WWTR1: variants seen among roughly 807,000 people sequenced by gnomAD.
The protein encoded by WWTR1 is WW domain containing transcription regulator 1.
A neutral mutation model predicts 40.1 loss-of-function variants in WWTR1; 13 were observed. That is an observed-to-expected ratio of 0.32 (90% CI 0.21 to 0.52). The LOEUF is 0.52. WWTR1 is among the 20% of genes least tolerant of loss of function. WWTR1 has a pLI of 0.97. For missense variants in WWTR1, 436 were observed against 523.1 expected, an observed-to-expected ratio of 0.83 and a Z score of 1.63; for synonymous variants, 230 against 210.1, an observed-to-expected ratio of 1.09 and a Z score of -0.82.
At position 149,631,494 on chromosome 3, in the gene WWTR1, G is replaced by A. The variant is rs111559611; in HGVS notation, c.431+25382C>T. ...TAAAAAAGGCATTTTCAGTCTTCACGTACAAACCCCAAATATAAGTGCCAA... is the reference window on the plus strand; with the variant it reads ...TAAAAAAGGCATTTTCAGTCTTCACATACAAACCCCAAATATAAGTGCCAA... On this transcript the variant is annotated intron_variant, in intron 2 of 6. Coordinates refer to ENST00000360632, the MANE Select transcript of WWTR1 (RefSeq NM_015472.6). Among the ~76,000 whole-genome samples the A allele has an allele frequency of 6.3e-3, 966 of 152,134 alleles. 14 individuals are homozygous for A. The highest frequency in any genetic ancestry group is 0.022 in the African/African-American group (923 of 41,504).
At chr3:149,699,361 T>C (rs548888492) in intron 1 of WWTR1, among the ~76,000 whole-genome samples, 1 of 151,882 alleles carries the variant, frequency 6.6e-6, no homozygotes, top group South Asian at 2.1e-4. Flanking sequence ...TGGTGTGATC[T>C]TGGTTCACCG....
At chr3:149,615,661 C>G (rs941925801) in intron 2 of WWTR1, among the ~76,000 whole-genome samples, 20 of 152,160 alleles carry the variant, frequency 1.3e-4, no homozygotes, top group African/African-American at 4.6e-4. Flanking sequence ...CTATTTCTAG[C>G]ACTTGATACT....
chr3:149,583,168 G>A (rs773453531), intron 2 of WWTR1, among the ~76,000 whole-genome samples: 2 of 152,146 alleles, frequency 1.3e-5, no homozygotes, highest in Non-Finnish European at 2.9e-5. Flanking sequence ...GTTTCACCAT[G>A]TTGGCCAGGC....
intron 5 of WWTR1, among the ~76,000 whole-genome samples, chr3:149,526,812 T>C (rs1735340071): frequency 6.6e-6 from 1 of 152,262 alleles, no homozygotes; most frequent in South Asian, 2.1e-4. Context: ...GCCAGACGTC[T>C]CTGCAAGGGC....
chr3:149,680,549 A>AAGCC (rs1714423344), intron 1 of WWTR1, among the ~76,000 whole-genome samples: 1 of 151,482 alleles, frequency 6.6e-6, no homozygotes, highest in African/African-American at 2.4e-5. Flanking sequence ...GTCTCAAAAA[A>AAGCC]AACCAACCAA....
chr3:149,713,959 C>A (rs1030881419), intron 5 of WWTR1, among the ~76,000 whole-genome samples: 1 of 152,002 alleles, frequency 6.6e-6, no homozygotes, highest in Non-Finnish European at 1.5e-5. Context: ...GCCACCACTG[C>A]GGGGAGGCTG....
chr3:149,578,647 C>T (rs1443045380), intron 2 of WWTR1, among the ~76,000 whole-genome samples: 2 of 152,164 alleles, frequency 1.3e-5, no homozygotes, highest in Non-Finnish European at 2.9e-5. Flanking sequence ...CCTGTAATCC[C>T]AGCACTTTGG....
rs1289985252 is a variant in WWTR1 at position 149,656,974 on chromosome 3, C to A, written c.333G>T (p.Ala111=). ...CGTCGTAGGACTGCTGGCGGAGGTGCGCGTGCTGCTGCGCGGGGCTACCCG... is the reference window on the plus strand; with the variant it reads ...CGTCGTAGGACTGCTGGCGGAGGTGAGCGTGCTGCTGCGCGGGGCTACCCG... ...GAAGSPAQQH[A]HLRQQSYDVT... The change falls in exon 2 of 7, where the codon GCG becomes GCT. Residue 111 remains alanine, a synonymous_variant. Coordinates refer to ENST00000360632, the MANE Select transcript of WWTR1 (RefSeq NM_015472.6). 6 of 1,598,490 alleles carry A rather than the reference C, an allele frequency of 3.8e-6. No individual in the cohort carries two copies. Among genetic ancestry groups the A allele is most frequent in the Non-Finnish European group, 5.1e-6 (6 of 1,176,396 alleles).
intron 2 of WWTR1, among the ~76,000 whole-genome samples, chr3:149,573,649 A>G (rs1737747691): frequency 6.6e-6 from 1 of 152,238 alleles, no homozygotes; most frequent in Non-Finnish European, 1.5e-5. Flanking sequence ...AAAGTCAACT[A>G]GTGCCAGCTT....
chr3:149,589,394 T>C (rs1433677404), intron 2 of WWTR1, among the ~76,000 whole-genome samples: 1 of 152,212 alleles, frequency 6.6e-6, no homozygotes, highest in Non-Finnish European at 1.5e-5. Context: ...TGCAGCTGTA[T>C]TTTTCATTTT....
At chr3:149,530,506 C>T (rs1156254005) in intron 4 of WWTR1, among the ~76,000 whole-genome samples, 7 of 151,494 alleles carry the variant, frequency 4.6e-5, no homozygotes, top group Admixed American at 4.6e-4. Context: ...ATTATAAGAA[C>T]AAATATCAAA....
rs543475240 is a variant in WWTR1 at position 149,536,248 on chromosome 3, T to C, written c.771+6087A>G. ...AAATATATGAACGAATGAACTTAAA[T>C]AGCCAAGCTTATATGGAGGGATTTA... On this transcript the variant is annotated intron_variant, in intron 4 of 6. Transcript: ENST00000360632. 2.0e-5 allele frequency among the ~76,000 whole-genome samples: 3 copies of C among 152,296 alleles called. No homozygotes were observed. The East Asian group carries it at 5.8e-4, about 29-fold the overall frequency.
chr3:149,640,386 G>C (rs1322651668), intron 2 of WWTR1, among the ~76,000 whole-genome samples: 1 of 152,100 alleles, frequency 6.6e-6, no homozygotes, highest in African/African-American at 2.4e-5. Flanking sequence ...CAATGCTTTT[G>C]TCTATAGATA....
intron 4 of WWTR1, among the ~76,000 whole-genome samples, chr3:149,722,747 A>G (rs1715783967): frequency 6.6e-6 from 1 of 150,622 alleles, no homozygotes; most frequent in Non-Finnish European, 1.5e-5. Flanking sequence ...AGACTTGATA[A>G]TTTTCATTGT....
At chr3:149,702,911 T>C (rs6797490) in intron 1 of WWTR1, 58 of 152,244 alleles carry the variant, frequency 3.8e-4, no homozygotes, top group African/African-American at 1.3e-3. Context: ...TGAGTTGCCT[T>C]TCCTGAAGTC....
intron 2 of WWTR1, among the ~76,000 whole-genome samples, chr3:149,581,019 T>A (rs1321609086): frequency 6.6e-6 from 1 of 152,180 alleles, no homozygotes; most frequent in Non-Finnish European, 1.5e-5. Context: ...ATGTTGACAA[T>A]CAGAAATAAA....
chr3:149,590,455 G>A (rs1218358825), intron 2 of WWTR1, among the ~76,000 whole-genome samples: 1 of 152,126 alleles, frequency 6.6e-6, no homozygotes, highest in Non-Finnish European at 1.5e-5. Flanking sequence ...TTTCAGACAA[G>A]CCTGGCCAAC....
rs1392826366 is a variant in WWTR1 at position 149,572,969 on chromosome 3, G to T, written c.463C>A (p.Pro155Thr). Residue 155 changes from proline (P) to threonine (T), a missense_variant, in exon 3 of 7, where the codon CCT (proline) becomes ACT (threonine). Pro to Thr is a conservative substitution (Grantham distance 38). Transcript: ENST00000360632. ...HIEKITTWQDPRKAMNQPLNH... is the reference protein window; with the variant it reads ...HIEKITTWQDTRKAMNQPLNH... ...AGAGGCTGATTCATCGCCTTCCTAGGGTCTTGCCATGTGGTGATTTTTTCT... is the reference window on the plus strand; with the variant it reads ...AGAGGCTGATTCATCGCCTTCCTAGTGTCTTGCCATGTGGTGATTTTTTCT... 2 of 1,604,318 alleles carry T rather than the reference G, an allele frequency of 1.2e-6. No homozygotes were observed. The highest frequency in any genetic ancestry group is 1.7e-6 in the Non-Finnish European group (2 of 1,177,660).
chr3:149,714,728 G>A (rs1428434250), intron 5 of WWTR1, among the ~76,000 whole-genome samples: 1 of 152,230 alleles, frequency 6.6e-6, no homozygotes, highest in Non-Finnish European at 1.5e-5. Flanking sequence ...TCAAGCCAAG[G>A]GGGGCCTGAA....
Sources: allele counts gnomAD v4.1 joint callset (sites outside exome capture counted in the v4.1 genomes callset), GRCh38; gene constraint gnomAD v4.1.1; transcripts MANE v1.5; gene names NCBI Gene and HGNC (gene_info 2026-07-23, HGNC 2026-07-21).